The following ZNF385B variants were observed in gnomAD, a reference collection of about 807,000 sequenced individuals.
ZNF385B encodes the protein zinc finger protein 385B, also known as zinc finger protein 533.
Under a neutral mutation model 39.2 loss-of-function variants are expected in ZNF385B, and 23 were observed. The observed-to-expected ratio is 0.59, with a 90% CI of 0.42 to 0.83. ZNF385B has a LOEUF of 0.83. ZNF385B is among the 40% of genes least tolerant of loss of function. The pLI, the probability that ZNF385B is intolerant of heterozygous loss-of-function variation, is 0.00. For synonymous variants in ZNF385B, 205 were observed against 222.6 expected, an observed-to-expected ratio of 0.92 and a Z score of 0.70; for missense variants, 552 against 598.9, an observed-to-expected ratio of 0.92 and a Z score of 0.82.
intron 5 of ZNF385B, among the ~76,000 whole-genome samples, chr2:179,508,456 C>T (rs1271567671): frequency 2.0e-5 from 3 of 152,094 alleles, no homozygotes; most frequent in African/African-American, 7.2e-5. Flanking sequence ...TCCCAAGTGG[C>T]GAGACAAGTT....
At chr2:179,754,750 T>C (rs1702900595) in intron 3 of ZNF385B, among the ~76,000 whole-genome samples, 1 of 152,206 alleles carries the variant, frequency 6.6e-6, no homozygotes, top group Non-Finnish European at 1.5e-5. Context: ...TGATGGTAGT[T>C]TGTATTTCTT....
intron 3 of ZNF385B, among the ~76,000 whole-genome samples, chr2:179,736,194 T>C (rs1463536568): frequency 1.3e-5 from 2 of 152,196 alleles, no homozygotes; most frequent in Non-Finnish European, 2.9e-5. Context: ...TATTTTTACT[T>C]ACTACTCATC....
intron 3 of ZNF385B, among the ~76,000 whole-genome samples, chr2:179,647,781 A>G (rs138258167): frequency 1.3e-5 from 2 of 152,362 alleles, no homozygotes; most frequent in Non-Finnish European, 2.9e-5. Flanking sequence ...CTCAGAAAAG[A>G]GAGATGAGGT....
intron 3 of ZNF385B, among the ~76,000 whole-genome samples, chr2:179,725,243 C>T (rs111306929): frequency 3.8e-4 from 58 of 152,040 alleles, no homozygotes; most frequent in African/African-American, 1.4e-3. Flanking sequence ...TAAACACCTA[C>T]GTATTCAGAA....
chr2:179,773,551 C>T (rs879607355), intron 1 of ZNF385B, among the ~76,000 whole-genome samples: 2 of 152,300 alleles, frequency 1.3e-5, no homozygotes, highest in East Asian at 3.9e-4. Context: ...GCATTGTGTT[C>T]ACAAAGTTAG....
intron 1 of ZNF385B, among the ~76,000 whole-genome samples, chr2:179,812,201 AT>A (rs55773333): frequency 0.25 from 38,571 of 152,018 alleles, 5,109 homozygotes; most frequent in Non-Finnish European, 0.28. Context: ...GGGAATGTAA[AT>A]TCGTTCAGCA....
intron 3 of ZNF385B, among the ~76,000 whole-genome samples, chr2:179,577,530 C>T (rs988496467): frequency 2.0e-5 from 3 of 151,976 alleles, no homozygotes; most frequent in Non-Finnish European, 2.9e-5. Context: ...CCCATGCATG[C>T]CCAGTATATT....
chr2:179,445,784 T>G, intron 7 of ZNF385B, 56 bp from the exon 8 acceptor site: 2 of 1,460,002 alleles, frequency 1.4e-6, no homozygotes, highest in Non-Finnish European at 1.8e-6. Context: ...ATAAAGCTCT[T>G]TGTTTTCTTA....
intron 3 of ZNF385B, among the ~76,000 whole-genome samples, chr2:179,663,571 G>T (rs370797853): frequency 6.6e-6 from 1 of 151,998 alleles, no homozygotes; most frequent in African/African-American, 2.4e-5. Flanking sequence ...TTAGACGGGC[G>T]TGGTGGCGGG....
intron 1 of ZNF385B, among the ~76,000 whole-genome samples, chr2:179,819,907 C>A (rs1456237828): frequency 2.6e-5 from 4 of 152,078 alleles, no homozygotes; most frequent in African/African-American, 9.7e-5. Flanking sequence ...ACATATTGCA[C>A]GAGGTACTTC....
rs1419538355 is a variant in ZNF385B at position 179,443,062 on chromosome 2, G to A, written c.*188C>T. 2.9e-6 allele frequency: 2 copies of A among 686,998 alleles called. No homozygotes were observed. Among genetic ancestry groups the A allele is most frequent in the East Asian group, 5.4e-5 (2 of 37,102 alleles). 42.6% of individuals were successfully genotyped at this position (686,998 alleles called of 1,614,324 possible). A position where few individuals can be genotyped will look rare whatever the true frequency, so the allele number is the denominator to read the frequency against. On this transcript the variant is annotated 3_prime_UTR_variant, in exon 10 of 10. Coordinates refer to ENST00000410066, the MANE Select transcript of ZNF385B (RefSeq NM_152520.6). Reference sequence around the variant, plus strand: ...CTATGCTGCTGATTCCTCAATTATAGGAGCAGTCTCTAAAAGCCCTCGTCA... The same window carrying A: ...CTATGCTGCTGATTCCTCAATTATAAGAGCAGTCTCTAAAAGCCCTCGTCA...
chr2:179,826,947 A>C (rs1438562863), intron 1 of ZNF385B, among the ~76,000 whole-genome samples: 2 of 152,134 alleles, frequency 1.3e-5, no homozygotes, highest in African/African-American at 4.8e-5. Context: ...TGGTCTAAAT[A>C]CTACAGTAGA....
At chr2:179,692,146 T>A (rs1233174441) in intron 3 of ZNF385B, among the ~76,000 whole-genome samples, 6 of 152,106 alleles carry the variant, frequency 3.9e-5, no homozygotes, top group Non-Finnish European at 7.4e-5. Flanking sequence ...ACCACATCCC[T>A]TCTTACCCCT....
At chr2:179,795,754 T>C (rs1705624872) in intron 1 of ZNF385B, among the ~76,000 whole-genome samples, 1 of 152,140 alleles carries the variant, frequency 6.6e-6, no homozygotes, top group South Asian at 2.1e-4. Context: ...AAGACACAAA[T>C]TTTACAATAA....
intron 3 of ZNF385B, among the ~76,000 whole-genome samples, chr2:179,716,457 CT>C (rs1326018561): frequency 6.6e-6 from 1 of 152,028 alleles, no homozygotes; most frequent in Non-Finnish European, 1.5e-5. Flanking sequence ...TGGGAAAATG[CT>C]TTAGAGGCAC....
intron 3 of ZNF385B, among the ~76,000 whole-genome samples, chr2:179,583,821 G>C (rs1686799777): frequency 6.6e-6 from 1 of 152,180 alleles, no homozygotes; most frequent in South Asian, 2.1e-4. Context: ...ATCTCAAACA[G>C]TGGAACTGGC....
intron 3 of ZNF385B, among the ~76,000 whole-genome samples, chr2:179,600,132 A>G (rs143545285): frequency 1.7e-3 from 260 of 152,314 alleles, no homozygotes; most frequent in African/African-American, 5.3e-3. Flanking sequence ...TGATTCTTCA[A>G]TTGTGCCAAT....
chr2:179,838,948 G>T (rs977773030), intron 1 of ZNF385B, among the ~76,000 whole-genome samples: 1 of 150,550 alleles, frequency 6.6e-6, no homozygotes, highest in African/African-American at 2.5e-5. Context: ...GCATTTTGCT[G>T]CTCCTTGCAA....
intron 3 of ZNF385B, among the ~76,000 whole-genome samples, chr2:179,552,436 T>G (rs1022105154): frequency 1.3e-5 from 2 of 149,344 alleles, no homozygotes; most frequent in African/African-American, 2.5e-5. Context: ...CAGTGAGTAC[T>G]GAAATTAAAA....
Sources: allele counts gnomAD v4.1 joint callset (sites outside exome capture counted in the v4.1 genomes callset), GRCh38; gene constraint gnomAD v4.1.1; transcripts MANE v1.5; gene names NCBI Gene and HGNC (gene_info 2026-07-23, HGNC 2026-07-21).